PCDH11X: variants seen among roughly 807,000 people sequenced by gnomAD.
PCDH11X encodes the protein protocadherin-11 X-linked.
In PCDH11X, 18 loss-of-function variants were observed where a neutral mutation model predicts 53.3. The observed-to-expected ratio is 0.34, with a 90% CI of 0.23 to 0.50. PCDH11X has a LOEUF of 0.50. Ranked by LOEUF, PCDH11X falls within the 20% of genes least tolerant of loss-of-function variation. The probability of loss-of-function intolerance (pLI) is 0.98; values close to 1 mark genes in which losing one functional copy is unlikely to be tolerated. For synonymous variants in PCDH11X, 279 were observed against 393.3 expected (o/e 0.71, Z 3.44); for missense variants, 570 against 1,032.4 (o/e 0.55, Z 6.14).
At position 92,020,673 on chromosome X, in the gene PCDH11X, C is replaced by T. The variant is rs767473225; in HGVS notation, c.3033+141400C>T. On this transcript the variant is annotated intron_variant, in intron 6 of 10. Coordinates refer to ENST00000682573, the MANE Select transcript of PCDH11X (RefSeq NM_032968.5). ...GTGGGATTCCCCCCAATAAAACACA[C>T]TCCCTCCACCAAGAAACAGTCAAAG... is the stretch of plus-strand genomic sequence containing the variant. 1.1e-4 allele frequency among the ~76,000 whole-genome samples: 12 copies of T among 111,354 alleles called. No homozygotes were observed. In the East Asian group the frequency reaches 2.9e-3, roughly 27 times the overall value.
At chrX:92,226,250 T>TTC (rs1157919689) in intron 7 of PCDH11X, among the ~76,000 whole-genome samples, 4 of 112,038 alleles carry the variant, frequency 3.6e-5, no homozygotes, top group Non-Finnish European at 7.5e-5. Context: ...GATTCAAAGA[T>TTC]ACAGGGAAAA....
At chrX:92,320,477 A>C in intron 8 of PCDH11X, among the ~76,000 whole-genome samples, 1 of 110,738 alleles carries the variant, frequency 9.0e-6, no homozygotes. Context: ...CTAAATCAAT[A>C]ATATGAAGGA....
chrX:92,493,420 A>G (rs1174361374), intron 10 of PCDH11X, among the ~76,000 whole-genome samples: 1 of 110,489 alleles, frequency 9.1e-6, no homozygotes, highest in Non-Finnish European at 1.9e-5. Context: ...AGTTGTTATC[A>G]GTAAGTTATA....
intron 6 of PCDH11X, among the ~76,000 whole-genome samples, chrX:92,159,921 C>CA (rs200332444): frequency 1.5e-4 from 14 of 91,929 alleles, no homozygotes; most frequent in African/African-American, 3.1e-4. Flanking sequence ...CTCCTGTTTT[C>CA]AAAAAAAAAA....
At chrX:91,865,526 C>A (rs1938925023) in intron 5 of PCDH11X, among the ~76,000 whole-genome samples, 1 of 110,645 alleles carries the variant, frequency 9.0e-6, no homozygotes, top group Admixed American at 9.6e-5. Flanking sequence ...GTTCAAGGAC[C>A]TGTGGCTCTA....
intron 6 of PCDH11X, among the ~76,000 whole-genome samples, chrX:91,938,173 T>A (rs915238048): frequency 2.7e-5 from 3 of 111,654 alleles, no homozygotes; most frequent in African/African-American, 9.7e-5. Context: ...AGTCAGAACA[T>A]AAGTGTTTTC....
intron 10 of PCDH11X, among the ~76,000 whole-genome samples, chrX:92,498,074 C>T (rs934419949): frequency 2.1e-4 from 24 of 111,721 alleles, no homozygotes; most frequent in African/African-American, 7.1e-4. Flanking sequence ...GGTAAAGACA[C>T]ACTCCCTGTT....
intron 6 of PCDH11X, among the ~76,000 whole-genome samples, chrX:92,077,837 A>G (rs2063799006): frequency 9.0e-6 from 1 of 110,861 alleles, no homozygotes; most frequent in South Asian, 3.8e-4. Context: ...ATTCAGAAAT[A>G]CCTTTATTTC....
At chrX:92,011,873 A>T (rs1001380123) in intron 6 of PCDH11X, among the ~76,000 whole-genome samples, 1 of 110,416 alleles carries the variant, frequency 9.1e-6, no homozygotes, top group African/African-American at 3.3e-5. Flanking sequence ...GAGAATAGTG[A>T]CTTGCCAAAA....
intron 6 of PCDH11X, among the ~76,000 whole-genome samples, chrX:91,880,174 C>T (rs930289742): frequency 1.8e-5 from 2 of 110,483 alleles, no homozygotes; most frequent in African/African-American, 6.7e-5. Context: ...GAAATGAATA[C>T]AAATTTATCC....
At chrX:92,050,671 C>A (rs1431159107) in intron 6 of PCDH11X, among the ~76,000 whole-genome samples, 1 of 108,567 alleles carries the variant, frequency 9.2e-6, no homozygotes, top group Non-Finnish European at 1.9e-5. Flanking sequence ...GTTGTAAACT[C>A]TTTAAGTGTA....
intron 6 of PCDH11X, among the ~76,000 whole-genome samples, chrX:91,970,884 A>T (rs2061950360): frequency 8.9e-6 from 1 of 111,845 alleles, no homozygotes; most frequent in Non-Finnish European, 1.9e-5. Context: ...GCTTTCAATG[A>T]TTGTTCGTTC....
intron 8 of PCDH11X, among the ~76,000 whole-genome samples, chrX:92,280,871 G>T (rs2068236943): frequency 9.0e-6 from 1 of 110,926 alleles, no homozygotes. Context: ...TTGACATCTA[G>T]TCTAATATCA....
At chrX:91,813,360 T>G (rs1408721407) in intron 4 of PCDH11X, among the ~76,000 whole-genome samples, 1 of 106,703 alleles carries the variant, frequency 9.4e-6, no homozygotes, top group South Asian at 4.1e-4. Flanking sequence ...GTTACTCTTA[T>G]GCTTATTCAA....
At chrX:92,006,125 T>C (rs1245867904) in intron 6 of PCDH11X, among the ~76,000 whole-genome samples, 1 of 109,525 alleles carries the variant, frequency 9.1e-6, no homozygotes, top group Admixed American at 9.8e-5. Flanking sequence ...ATTTCTTTCT[T>C]ATACTTGGAT....
At chrX:91,942,526 A>T (rs2061523090) in intron 6 of PCDH11X, among the ~76,000 whole-genome samples, 1 of 110,703 alleles carries the variant, frequency 9.0e-6, no homozygotes, top group Non-Finnish European at 1.9e-5. Flanking sequence ...AGATAAGCTG[A>T]TTAGTCCTAT....
intron 9 of PCDH11X, among the ~76,000 whole-genome samples, chrX:92,388,585 C>T (rs1179488366): frequency 1.8e-5 from 2 of 108,332 alleles, no homozygotes; most frequent in African/African-American, 6.7e-5. Context: ...GAACGTGTAG[C>T]GAACAACCTT....
chrX:91,909,043 C>G (rs1471104573), intron 6 of PCDH11X, among the ~76,000 whole-genome samples: 1 of 111,114 alleles, frequency 9.0e-6, no homozygotes, highest in Non-Finnish European at 1.9e-5. Context: ...AATTCTAAAA[C>G]AAATTGTACA....
intron 7 of PCDH11X, among the ~76,000 whole-genome samples, chrX:92,238,501 A>G: frequency 9.0e-6 from 1 of 111,068 alleles, no homozygotes; most frequent in African/African-American, 3.3e-5. Context: ...AGTTTAAGGA[A>G]AAAAACAACT....
Sources: allele counts gnomAD v4.1 joint callset (sites outside exome capture counted in the v4.1 genomes callset), GRCh38; gene constraint gnomAD v4.1.1; transcripts MANE v1.5; gene names NCBI Gene and HGNC (gene_info 2026-07-23, HGNC 2026-07-21).